The following TTC6 variants were observed in gnomAD, a reference collection of about 807,000 sequenced individuals.
The protein encoded by TTC6 is tetratricopeptide repeat domain 6, also known as tetratricopeptide repeat protein 6.
Under a neutral mutation model 210.4 loss-of-function variants are expected in TTC6, and 172 were observed. The ratio of observed to expected loss-of-function variants is 0.82; its 90% confidence interval spans 0.72 to 0.93. TTC6 has a LOEUF of 0.93. TTC6 is among the 40% of genes least tolerant of loss of function. The pLI is 0.00. For missense variants in TTC6, 2,414 were observed against 2,318.1 expected (o/e 1.04, Z -0.85); for synonymous variants, 804 against 819.6 (o/e 0.98, Z 0.32).
chr14:37,622,649 A>G (rs1050402364), exon 1 of TTC6: 2 of 1,535,164 alleles, frequency 1.3e-6, no homozygotes, highest in Admixed American at 3.9e-5. Context: ...CTCCTCTCGC[A>G]GGGCCCTGCA....
chr14:37,630,263 G>T (rs1307398123), intron 1 of TTC6, among the ~76,000 whole-genome samples: 1 of 152,142 alleles, frequency 6.6e-6, no homozygotes, highest in Non-Finnish European at 1.5e-5. Context: ...GTATCCCAGA[G>T]ATCCTAGTAT....
chr14:37,615,360 G>T (rs954045094), intron 2 of TTC6, among the ~76,000 whole-genome samples: 5 of 151,838 alleles, frequency 3.3e-5, no homozygotes, highest in African/African-American at 1.2e-4. Context: ...TTCTCTCTTT[G>T]TCACTCAGGC....
At chr14:37,798,374 C>T (rs2096097565) in intron 20 of TTC6, among the ~76,000 whole-genome samples, 1 of 126,226 alleles carries the variant, frequency 7.9e-6, no homozygotes. Flanking sequence ...ATAGTTTTTG[C>T]TACTATTATA....
At chr14:37,623,181 T>G (rs2095654740) in intron 1 of TTC6, among the ~76,000 whole-genome samples, 178 bp downstream of exon 3, 1 of 152,210 alleles carries the variant, frequency 6.6e-6, no homozygotes, top group East Asian at 1.9e-4. Flanking sequence ...TCCATTTGAA[T>G]TTTTGAATTT....
At chr14:37,627,785 G>A (rs1595031042) in intron 1 of TTC6, among the ~76,000 whole-genome samples, 1 of 145,258 alleles carries the variant, frequency 6.9e-6, no homozygotes, top group African/African-American at 2.5e-5. Context: ...TGTCTTTATA[G>A]TAGAAGGATT....
At chr14:37,602,764 G>T (rs1171031086) in intron 1 of TTC6, among the ~76,000 whole-genome samples, 1 of 152,134 alleles carries the variant, frequency 6.6e-6, no homozygotes, top group African/African-American at 2.4e-5. Flanking sequence ...AGAGGGGGTC[G>T]GAACTTGGAT....
At chr14:37,773,358 T>C (rs1034489446) in intron 14 of TTC6, among the ~76,000 whole-genome samples, 1 of 152,208 alleles carries the variant, frequency 6.6e-6, no homozygotes, top group South Asian at 2.1e-4. Context: ...GTGTCCAGAA[T>C]GATATTTACT....
At chr14:37,653,270 A>G (rs2095716175) in intron 1 of TTC6, among the ~76,000 whole-genome samples, 2 of 152,226 alleles carry the variant, frequency 1.3e-5, no homozygotes, top group African/African-American at 4.8e-5. Context: ...ACATGAAATG[A>G]TGTGGCTCCT....
At chr14:37,828,713 A>G (rs760838454) in intron 29 of TTC6, among the ~76,000 whole-genome samples, 1 of 151,110 alleles carries the variant, frequency 6.6e-6, no homozygotes, top group Non-Finnish European at 1.5e-5. Flanking sequence ...GAAGTCTAAT[A>G]TAAAAACATT....
chr14:37,807,782 G>A (rs745582956), intron 23 of TTC6, among the ~76,000 whole-genome samples: 10 of 152,072 alleles, frequency 6.6e-5, no homozygotes, highest in Middle Eastern at 6.8e-3. Flanking sequence ...ATTCCTGGGT[G>A]CATTTAGCAT....
intron 1 of TTC6, among the ~76,000 whole-genome samples, chr14:37,670,396 A>G (rs1033780116): frequency 6.6e-6 from 1 of 151,326 alleles, no homozygotes; most frequent in Non-Finnish European, 1.5e-5. Flanking sequence ...AAAGGAGGGC[A>G]TATTAACTAT....
chr14:37,631,845 G>A (rs549535798), intron 1 of TTC6, among the ~76,000 whole-genome samples: 4 of 151,894 alleles, frequency 2.6e-5, no homozygotes, highest in Admixed American at 6.6e-5. Context: ...TTGTCTTCAC[G>A]CTTTATTTCA....
intron 1 of TTC6, among the ~76,000 whole-genome samples, chr14:37,671,718 C>A (rs1595086552): frequency 6.6e-6 from 1 of 152,216 alleles, no homozygotes; most frequent in East Asian, 1.9e-4. Context: ...TGTATCTCCA[C>A]CCAAGTCTCA....
At chr14:37,820,675 A>G (rs781173136) in intron 26 of TTC6, among the ~76,000 whole-genome samples, 49 of 152,288 alleles carry the variant, frequency 3.2e-4, no homozygotes, top group Middle Eastern at 3.4e-3. Context: ...TTCCCTGGAA[A>G]TGTCCATTGA....
chr14:37,747,132 T>C (rs1183148764), intron 10 of TTC6, among the ~76,000 whole-genome samples: 1 of 152,210 alleles, frequency 6.6e-6, no homozygotes, highest in African/African-American at 2.4e-5. Flanking sequence ...GTCTTCCACC[T>C]GAACATCATT....
At chr14:37,674,001 A>G (rs2095763686) in intron 1 of TTC6, among the ~76,000 whole-genome samples, 1 of 152,214 alleles carries the variant, frequency 6.6e-6, no homozygotes, top group Non-Finnish European at 1.5e-5. Flanking sequence ...CAGGGAAACA[A>G]GGTAGAATTA....
chr14:37,648,506 TC>T (rs1595058264), intron 1 of TTC6, among the ~76,000 whole-genome samples: 1 of 152,170 alleles, frequency 6.6e-6, no homozygotes, highest in Non-Finnish European at 1.5e-5. Flanking sequence ...GATTGTGTAT[TC>T]TTTTTTTTTC....
intron 5 of TTC6, among the ~76,000 whole-genome samples, chr14:37,711,327 G>A (rs1025337801): frequency 4.6e-5 from 7 of 152,012 alleles, no homozygotes; most frequent in Non-Finnish European, 7.4e-5. Context: ...AAAGGCATAC[G>A]GAATAGAATG....
chr14:37,679,727 G>A (rs559666798), intron 1 of TTC6, among the ~76,000 whole-genome samples: 1 of 152,158 alleles, frequency 6.6e-6, no homozygotes, highest in South Asian at 2.1e-4. Context: ...TTTCCCTCTT[G>A]TTGTCCAGGC....
Sources: allele counts gnomAD v4.1 joint callset (sites outside exome capture counted in the v4.1 genomes callset), GRCh38; gene constraint gnomAD v4.1.1; transcripts MANE v1.5; gene names NCBI Gene and HGNC (gene_info 2026-07-23, HGNC 2026-07-21).